Variants in PPAN observed in about 807,000 individuals in gnomAD.
PPAN encodes peter pan homolog.
In PPAN, 39 loss-of-function variants were observed where a neutral mutation model predicts 48.5. The observed-to-expected ratio is 0.80, with a 90% confidence interval of 0.62 to 1.05. The LOEUF (loss-of-function observed/expected upper bound fraction) is 1.05, where lower values mean the gene tolerates loss of function less well. Ranked by LOEUF, PPAN falls within the 50% of genes least tolerant of loss-of-function variation. The pLI is 0.00. For synonymous variants in PPAN, 315 were observed against 268.6 expected (o/e 1.17, Z -1.69); for missense variants, 736 against 661.7 (o/e 1.11, Z -1.23).
chr19:10,106,807 C>A, intron 2 of PPAN, 136 bp downstream of exon 2: 1 of 1,350,342 alleles, frequency 7.4e-7, no homozygotes, highest in Non-Finnish European at 9.8e-7. Flanking sequence ...TGGGGAGCAT[C>A]ATTTCTGCCT....
At chr19:10,109,883 C>G in intron 6 of PPAN, 30 bp from the exon 7 acceptor site, 1 of 1,611,890 alleles carries the variant, frequency 6.2e-7, no homozygotes, top group Non-Finnish European at 8.5e-7. Flanking sequence ...CCCCTGACCA[C>G]CCCCTTGCCG....
rs756439804 is a variant in PPAN, at chr19:10,108,121, T to G, written c.500T>G (p.Ile167Ser). The change falls in exon 5 of 12, where the codon ATC becomes AGC. Residue 167 changes from isoleucine (I) to serine (S), a missense_variant. By Grantham distance (142) the Ile-to-Ser change is moderately radical. Transcript: ENST00000253107. ...ATGTTCCAGAACCTGTTCCCCTCCA[T>G]CAACGTGCACAAGGTGGGTCTGGCC... ...ATMFQNLFPSINVHKVNLNTI... is the reference protein window; with the variant it reads ...ATMFQNLFPSSNVHKVNLNTI... 2 of 1,610,716 alleles carry G rather than the reference T, an allele frequency of 1.2e-6. No homozygotes were observed. Among genetic ancestry groups the G allele is most frequent in the South Asian group, 1.1e-5 (1 of 90,614 alleles).
rs367677549 is a variant in PPAN, at chr19:10,111,124, C to T, written c.1381C>T (p.Arg461Ter). The T allele has an allele frequency of 1.7e-5, 27 of 1,606,050 alleles. No individual in the cohort carries two copies. The highest frequency in any genetic ancestry group is 1.3e-4 in the East Asian group (6 of 44,666). Residue 461 changes from arginine (R) to a stop codon, truncating the protein, a stop_gained, in exon 12 of 12, where the codon CGA (arginine) becomes TGA (stop). Coordinates refer to ENST00000253107, the MANE Select transcript of PPAN (RefSeq NM_020230.7). LOFTEE classifies it low-confidence loss of function (END_TRUNC). ...CAGAGGGGCTTCCCGGGATGGTGGGCGAGGCCGGGGCCGGGGCCGCCCAGG... is the reference window on the plus strand; with the variant it reads ...CAGAGGGGCTTCCCGGGATGGTGGGTGAGGCCGGGGCCGGGGCCGCCCAGG... ...GPRGASRDGGRGRGRGRPGKR... is the reference protein window; with the variant it reads ...GPRGASRDGG
Position 10,110,821 on chromosome 19 carries a change from G to T in PPAN, c.1156G>T (p.Asp386Tyr). 8.7e-6 allele frequency: 14 copies of T among 1,614,070 alleles called. No individual in the cohort carries two copies. Among genetic ancestry groups the T allele is most frequent in the Non-Finnish European group, 1.2e-5 (14 of 1,180,014 alleles). ...GEDDDEQEDDDIEYFCQAVGE... is the reference protein window; with the variant it reads ...GEDDDEQEDDYIEYFCQAVGE... ...GGACGATGATGAACAGGAAGATGAT[G>T]ACATCGAGTATTTCTGCCAGGCGGT... The change falls in exon 11 of 12, where the codon GAC (aspartate) becomes TAC (tyrosine). Residue 386 changes from aspartate (D) to tyrosine (Y), a missense_variant. Coordinates refer to ENST00000253107, the MANE Select transcript of PPAN (RefSeq NM_020230.7). This position sits in a 1 kb window ranked among gnomAD's most constrained non-coding sequence, Gnocchi z 5.9.
Position 10,106,565 on chromosome 19 carries a change from A to T in PPAN, c.83A>T (p.Asn28Ile). The T allele has an allele frequency of 6.4e-7, 1 of 1,553,376 alleles. No homozygotes were observed. The highest frequency in any genetic ancestry group is 1.2e-5 in the South Asian group (1 of 84,314). ...QLRNLEAYAA[N>I]PHSFVFTRGC... ...CGCAACCTCGAGGCCTATGCCGCGA[A>T]CCCGCACTCGTTCGTGTTCACGCGA... Residue 28 changes from asparagine to isoleucine, a missense_variant, in exon 2 of 12, where the codon AAC becomes ATC. Physicochemically the swap from Asn to Ile is moderately radical, Grantham distance 149 (BLOSUM62 -3). Coordinates refer to ENST00000253107, the MANE Select transcript of PPAN (RefSeq NM_020230.7).
At chr19:10,109,581 C>A in intron 5 of PPAN, 50 bp from the exon 6 acceptor site, 1 of 1,563,216 alleles carries the variant, frequency 6.4e-7, no homozygotes, top group South Asian at 1.2e-5. Context: ...CCCACTTCCC[C>A]AAACTTTGCC....
At position 10,111,039 on chromosome 19, in the gene PPAN, T is replaced by C; in HGVS notation, c.1296T>C (p.Cys432=). 1.9e-6 allele frequency: 3 copies of C among 1,613,604 alleles called. No individual in the cohort carries two copies. Among genetic ancestry groups the C allele is most frequent in the Non-Finnish European group, 1.7e-6 (2 of 1,179,942 alleles). Residue 432 remains cysteine, a synonymous_variant, in exon 12 of 12, where the codon TGT becomes TGC. Transcript: ENST00000253107. ...WEMDRGRGRL[C]DQKFPKTKDK... is the part of the protein sequence containing the mutation. ...TGGATCGAGGCAGGGGTCGCCTTTG[T>C]GACCAGAAGTTTCCCAAGACCAAGG...
In PPAN at chr19:10,111,937, C is replaced by T. The variant is rs927635215; in HGVS notation, c.*772C>T. On this transcript the variant is annotated 3_prime_UTR_variant, in exon 12 of 12. Transcript: ENST00000253107. Reference sequence around the variant, plus strand: ...CCACCCTGACCAACAAGGAGAAACCCCGTCTCTACTAAAAATAAAAAAATT... The same window carrying T: ...CCACCCTGACCAACAAGGAGAAACCTCGTCTCTACTAAAAATAAAAAAATT... Among the ~76,000 whole-genome samples the T allele has an allele frequency of 1.3e-5, 2 of 152,044 alleles. No individual in the cohort carries two copies. Among genetic ancestry groups the T allele is most frequent in the African/African-American group, 2.4e-5 (1 of 41,372 alleles).
chr19:10,106,856 T>G, intron 2 of PPAN, 185 bp downstream of exon 2: 1 of 981,556 alleles, frequency 1.0e-6, no homozygotes, highest in Non-Finnish European at 1.5e-6. Context: ...GGCGCGCAGC[T>G]TGGGAGATAG....
At position 10,111,832 on chromosome 19, in the gene PPAN, C is replaced by A; in HGVS notation, c.*667C>A. The A allele has an allele frequency of 6.8e-7, 1 of 1,474,174 alleles. No homozygotes were observed. The highest frequency in any genetic ancestry group is 9.4e-7 in the Non-Finnish European group (1 of 1,064,920). 91.3% of individuals were successfully genotyped at this position (1,474,174 alleles called of 1,614,324 possible). On this transcript the variant is annotated 3_prime_UTR_variant, in exon 12 of 12. Coordinates refer to ENST00000253107, the MANE Select transcript of PPAN (RefSeq NM_020230.7). ...ATTGGTAAAACACCTAGGTCTGGGG[C>A]TGGGCACGGTGGCTCACGCCTGTAA...
At position 10,110,652 on chromosome 19, in the gene PPAN, G is replaced by C. The variant is rs111919173; in HGVS notation, c.1031+38G>C. On this transcript the variant is annotated intron_variant, in intron 10 of 11. Transcript: ENST00000253107. The surrounding 1 kb of genome is among the most constrained non-coding windows in gnomAD (Gnocchi z 5.9). ...CTGGGAAGGGCAGGGCCAAGGGGGG[G>C]TCCCTGGGATGGGCGGCTATGTTGA... 1,148 of 1,611,320 alleles carry C rather than the reference G, an allele frequency of 7.1e-4. 23 individuals are homozygous for C. In the South Asian group the frequency reaches 0.012, roughly 17 times the overall value.
chr19:10,106,769 T>G, intron 2 of PPAN, 98 bp downstream of exon 2: 1 of 1,437,912 alleles, frequency 7.0e-7, no homozygotes, highest in African/African-American at 1.4e-5. Context: ...AGGACTTAAG[T>G]CTCCCCAGCT....
rs2145200847 is a variant in PPAN at position 10,107,956 on chromosome 19, T to C, written c.343-8T>C. 6.2e-7 allele frequency: 1 copy of C among 1,604,766 alleles called. No individual in the cohort carries two copies. Among genetic ancestry groups the C allele is most frequent in the Non-Finnish European group, 8.5e-7 (1 of 1,173,672 alleles). On this transcript the variant is annotated splice_polypyrimidine_tract_variant and splice_region_variant and intron_variant, in intron 4 of 11. Transcript: ENST00000253107. ...GGTGGTCACCCCCTCCTCTCTCCTGTCCTACAGTACTCGCTGGTGCGTGAT... is the reference window on the plus strand; with the variant it reads ...GGTGGTCACCCCCTCCTCTCTCCTGCCCTACAGTACTCGCTGGTGCGTGAT...
Position 10,109,953 on chromosome 19 carries a change from A to G in PPAN, c.631A>G (p.Lys211Glu). The change falls in exon 7 of 12, where the codon AAG becomes GAG. Residue 211 changes from lysine (K) to glutamate (E), a missense_variant. Physicochemically the swap from Lys to Glu is moderately conservative, Grantham distance 56. Transcript: ENST00000253107. ...TCCTGTGGGCGCGAGTCGCGGGATG[A>G]AGAAGCTGCTCCAGGAGAAGTTCCC... ...VVPVGASRGM[K>E]KLLQEKFPNM... The G allele has an allele frequency of 6.2e-7, 1 of 1,614,022 alleles. No individual in the cohort carries two copies. Among genetic ancestry groups the G allele is most frequent in the Non-Finnish European group, 8.5e-7 (1 of 1,179,962 alleles).
chr19:10,106,862 G>A, intron 2 of PPAN, 191 bp downstream of exon 2: 1 of 933,666 alleles, frequency 1.1e-6, no homozygotes, highest in Non-Finnish European at 1.6e-6. Flanking sequence ...CAGCTTGGGA[G>A]ATAGATAGTC....
In PPAN at chr19:10,108,140, T is replaced by C. The variant is rs1160319000; in HGVS notation, c.513+6T>C. ...CCTCCATCAACGTGCACAAGGTGGG[T>C]CTGGCCTGGCGAGGTGGCAGGTATG... On this transcript the variant is annotated splice_donor_region_variant and intron_variant, in intron 5 of 11. Coordinates refer to ENST00000253107, the MANE Select transcript of PPAN (RefSeq NM_020230.7). 1.9e-6 allele frequency: 3 copies of C among 1,605,620 alleles called. No individual in the cohort carries two copies. The highest frequency in any genetic ancestry group is 4.5e-5 in the East Asian group (2 of 44,854).
chr19:10,110,333 C>T lies in PPAN; in HGVS notation c.832C>T (p.Arg278Trp), dbSNP rs2089004152. ...SAVRLTEIGP[R>W]MTLQLIKVQE... is the part of the protein sequence containing the mutation. ...TTCCTCGTCCCCTCAGATCGGCCCG[C>T]GGATGACACTGCAGCTCATCAAGGT... The change falls in exon 9 of 12, where the codon CGG (arginine) becomes TGG (tryptophan). Residue 278 changes from arginine (R) to tryptophan (W), a missense_variant. Transcript: ENST00000253107. The surrounding 1 kb of genome is among the most constrained non-coding windows in gnomAD (Gnocchi z 5.9). 21 of 1,613,646 alleles carry T rather than the reference C, an allele frequency of 1.3e-5. No individual in the cohort carries two copies. The highest frequency in any genetic ancestry group is 1.5e-5 in the Non-Finnish European group (18 of 1,179,948).
Position 10,111,545 on chromosome 19 carries a change from A to G in PPAN, c.*380A>G, listed in dbSNP as rs894594380. 1.9e-5 allele frequency: 14 copies of G among 731,246 alleles called. No individual in the cohort carries two copies. Among genetic ancestry groups the G allele is most frequent in the East Asian group, 2.7e-5 (1 of 37,192 alleles). 45.3% of individuals were successfully genotyped at this position (731,246 alleles called of 1,614,324 possible). On this transcript the variant is annotated 3_prime_UTR_variant, in exon 12 of 12. Transcript: ENST00000253107. Reference sequence around the variant, plus strand: ...CTTTCAGCAGATGAGCTTGAACCTCAGGAGGGTTGTGGCACAATGAGGAAG... The same window carrying G: ...CTTTCAGCAGATGAGCTTGAACCTCGGGAGGGTTGTGGCACAATGAGGAAG...
chr19:10,106,848 C>A, intron 2 of PPAN, 177 bp downstream of exon 2: 3 of 1,067,284 alleles, frequency 2.8e-6, no homozygotes, highest in Non-Finnish European at 3.9e-6. Context: ...GGAGTGAGGG[C>A]GCGCAGCTTG....
Sources: allele counts gnomAD v4.1 joint callset (sites outside exome capture counted in the v4.1 genomes callset), GRCh38; gene constraint gnomAD v4.1.1; non-coding constraint Gnocchi (gnomAD v3.1); transcripts MANE v1.5; gene names NCBI Gene and HGNC (gene_info 2026-07-23, HGNC 2026-07-21).